The following CLIP1 variants were observed in gnomAD, a reference collection of about 807,000 sequenced individuals.
The protein encoded by CLIP1 is CAP-Gly domain-containing linker protein 1.
A neutral mutation model predicts 161.6 loss-of-function variants in CLIP1; 66 were observed. The ratio of observed to expected loss-of-function variants is 0.41; its 90% CI spans 0.33 to 0.50. CLIP1 has a LOEUF of 0.50. Among genes scored for constraint, CLIP1 ranks in the 20% least tolerant of loss-of-function variants. The pLI is 0.27. For synonymous variants in CLIP1, 598 were observed against 626.2 expected (o/e 0.96, Z 0.67); for missense variants, 1,376 against 1,702.0 (o/e 0.81, Z 3.37).
chr12:122,390,287 T>C (rs1350173985), intron 1 of CLIP1, among the ~76,000 whole-genome samples: 31 of 131,242 alleles, frequency 2.4e-4, no homozygotes, highest in African/African-American at 7.1e-4. Flanking sequence ...TACATATATA[T>C]ATATATATAT....
chr12:122,364,000 G>A lies in CLIP1; in HGVS notation c.765C>T (p.Gly255=), dbSNP rs1352470511. 8.7e-6 allele frequency: 14 copies of A among 1,613,892 alleles called. No homozygotes were observed. The highest frequency in any genetic ancestry group is 1.3e-5 in the African/African-American group (1 of 74,872). ...AAACAAACCTTGTTCCAGCAACAGCGCCATCATTCTTCCCAAGTGGCTCAT... is the reference window on the plus strand; with the variant it reads ...AAACAAACCTTGTTCCAGCAACAGCACCATCATTCTTCCCAAGTGGCTCAT... The part of the protein sequence containing the change: ...ELDEPLGKND[G]AVAGTRYFQC... The change falls in exon 4 of 26, where the codon GGC becomes GGT. Residue 255 remains glycine (G), a synonymous_variant. Coordinates refer to ENST00000620786, the MANE Select transcript of CLIP1 (RefSeq NM_001247997.2).
Position 122,341,337 on chromosome 12 carries a change from A to G in CLIP1, c.1867T>C (p.Trp623Arg), listed in dbSNP as rs1409439722. 1 of 1,614,032 alleles carries G rather than the reference A, an allele frequency of 6.2e-7. No individual in the cohort carries two copies. Among genetic ancestry groups the G allele is most frequent in the East Asian group, 2.2e-5 (1 of 44,894 alleles). ...NKENSDVIALWKSKLETAIAS... is the reference protein window; with the variant it reads ...NKENSDVIALRKSKLETAIAS... ...ATGGCAGTCTCCAGTTTGGACTTCC[A>G]TAGAGCTATCACATCTGAGTTCTCT... Residue 623 changes from tryptophan to arginine, a missense_variant, in exon 11 of 26, where the codon TGG becomes CGG. This residue lies in a region of CLIP1 where 948 missense variants were observed against 1,134.8 expected (regional missense o/e 0.84). Transcript: ENST00000620786.
chr12:122,291,988 C>T (rs1950266756), intron 20 of CLIP1, among the ~76,000 whole-genome samples: 2 of 151,908 alleles, frequency 1.3e-5, no homozygotes, highest in South Asian at 4.2e-4. Context: ...CTTTCATTTT[C>T]CATTCATTCA....
At position 122,316,790 on chromosome 12, in the gene CLIP1, CAGG is replaced by C. The variant is rs750662217; in HGVS notation, c.3429_3431del (p.Leu1144del). The C allele has an allele frequency of 6.3e-6, 10 of 1,594,172 alleles. No homozygotes were observed. Among genetic ancestry groups the C allele is most frequent in the South Asian group, 4.7e-5 (4 of 84,874 alleles). ...CTTCCATTTTTTGATTCTCTACAGT[CAGG>C]AGTTCTTTTGATTTGTTCAGCTCTT... On this transcript the variant is annotated inframe_deletion, in exon 19 of 26. Coordinates refer to ENST00000620786, the MANE Select transcript of CLIP1 (RefSeq NM_001247997.2).
intron 1 of CLIP1, among the ~76,000 whole-genome samples, chr12:122,410,519 C>T (rs1041218613): frequency 4.1e-5 from 6 of 144,660 alleles, no homozygotes; most frequent in South Asian, 2.2e-4. Context: ...AGTGCAGTGG[C>T]GCAATCTCGG....
chr12:122,385,652 G>A (rs1955223416), intron 1 of CLIP1, among the ~76,000 whole-genome samples: 2 of 152,166 alleles, frequency 1.3e-5, no homozygotes, highest in Non-Finnish European at 2.9e-5. Context: ...TAAGAAGGAA[G>A]GAAAAGTGAA....
chr12:122,387,028 C>G (rs544742464), intron 1 of CLIP1, among the ~76,000 whole-genome samples: 2 of 152,156 alleles, frequency 1.3e-5, no homozygotes, highest in East Asian at 3.9e-4. Flanking sequence ...GTATCTAGTA[C>G]TACAGGTACA....
chr12:122,384,931 T>C (rs1199242256), intron 1 of CLIP1, among the ~76,000 whole-genome samples: 3 of 148,132 alleles, frequency 2.0e-5, no homozygotes, highest in Non-Finnish European at 4.5e-5. Flanking sequence ...AGTGAGTTGA[T>C]GGTAATTTTT....
rs1951117515 is a variant in CLIP1, at chr12:122,313,029, T to C, written c.3474-3147A>G. On this transcript the variant is annotated intron_variant, in intron 19 of 25. Transcript: ENST00000620786. ...CTTACCGCAGAAGGCCCTGGAAATC[T>C]GACCACAAAGCCACCAGTCATCAGG... Among the ~76,000 whole-genome samples, 2 of 152,184 alleles carry C rather than the reference T, an allele frequency of 1.3e-5. 1 individual carries two copies. Among genetic ancestry groups the C allele is most frequent in the South Asian group, 4.1e-4 (2 of 4,820 alleles).
intron 10 of CLIP1, among the ~76,000 whole-genome samples, chr12:122,347,040 T>C (rs1257069453): frequency 1.3e-5 from 2 of 152,226 alleles, no homozygotes; most frequent in African/African-American, 2.4e-5. Context: ...AAGAGGACAA[T>C]TGACTGCTTG....
intron 1 of CLIP1, among the ~76,000 whole-genome samples, chr12:122,408,048 T>C (rs182945250): frequency 2.6e-5 from 4 of 151,820 alleles, no homozygotes; most frequent in African/African-American, 7.3e-5. Context: ...CCAGCCTGAC[T>C]AACATGGCGA....
At chr12:122,383,357 C>T (rs1955092396) in intron 1 of CLIP1, among the ~76,000 whole-genome samples, 1 of 152,222 alleles carries the variant, frequency 6.6e-6, no homozygotes, top group Admixed American at 6.5e-5. Context: ...GCCACAAGAC[C>T]TAACAAGGGA....
intron 1 of CLIP1, among the ~76,000 whole-genome samples, chr12:122,394,641 A>T (rs370835495): frequency 6.6e-6 from 1 of 151,878 alleles, no homozygotes; most frequent in Non-Finnish European, 1.5e-5. Context: ...TAATCCCAGC[A>T]TTTTGGGAGG....
chr12:122,366,798 G>A (rs1211347226), intron 3 of CLIP1, among the ~76,000 whole-genome samples: 2 of 152,042 alleles, frequency 1.3e-5, no homozygotes, highest in Admixed American at 1.3e-4. Context: ...CCAAGACTGT[G>A]CCAATGTACT....
chr12:122,273,556 T>A (rs1398763216), intron 25 of CLIP1, among the ~76,000 whole-genome samples: 1 of 151,812 alleles, frequency 6.6e-6, no homozygotes, highest in African/African-American at 2.4e-5. Flanking sequence ...GCCTCACATT[T>A]AAAATCTTCA....
At chr12:122,378,040 C>T in intron 2 of CLIP1, 80 bp from the exon 3 acceptor site, 2 of 1,242,232 alleles carry the variant, frequency 1.6e-6, no homozygotes, top group African/African-American at 1.5e-5. Context: ...TAGAGAAAGC[C>T]AACAGCCCAC....
chr12:122,397,687 G>A (rs1955974622), intron 1 of CLIP1, among the ~76,000 whole-genome samples: 1 of 151,716 alleles, frequency 6.6e-6, no homozygotes, highest in Non-Finnish European at 1.5e-5. Flanking sequence ...GCCACGCATG[G>A]TGGCTCACAC....
chr12:122,328,880 C>T (rs1951817702), intron 15 of CLIP1, among the ~76,000 whole-genome samples: 2 of 152,152 alleles, frequency 1.3e-5, no homozygotes, highest in South Asian at 2.1e-4. Context: ...CATGCCTGGG[C>T]ACAAGAAATT....
In CLIP1 at chr12:122,273,031, G is replaced by C; in HGVS notation, c.4161C>G (p.Leu1387=). The change falls in exon 26 of 26, where the codon CTC becomes CTG. Residue 1387 remains leucine (L), a synonymous_variant. Transcript: ENST00000620786. ...GGGTAGGACAATCCTCTGTGTCGTG[G>C]AGATCAAAGCAGTCACAAATGTCAC... ...LFCDICDCFD[L]HDTEDCPTQA... is the part of the protein sequence containing the mutation. The C allele has an allele frequency of 6.2e-7, 1 of 1,614,172 alleles. No individual in the cohort carries two copies. Among genetic ancestry groups the C allele is most frequent in the Non-Finnish European group, 8.5e-7 (1 of 1,180,040 alleles).
Sources: allele counts gnomAD v4.1 joint callset (sites outside exome capture counted in the v4.1 genomes callset), GRCh38; gene constraint gnomAD v4.1.1; regional missense constraint gnomAD v4.1.1; transcripts MANE v1.5; gene names NCBI Gene and HGNC (gene_info 2026-07-23, HGNC 2026-07-21).